Variants in TMEM132C observed in about 807,000 individuals in gnomAD.
TMEM132C encodes the protein protein phosphatase 1, regulatory subunit 152.
A neutral mutation model predicts 61.4 loss-of-function variants in TMEM132C; 29 were observed. The ratio of observed to expected loss-of-function variants is 0.47; its 90% CI spans 0.35 to 0.64. TMEM132C has a LOEUF of 0.64. Ranked by LOEUF, TMEM132C falls within the 30% of genes least tolerant of loss-of-function variation. The pLI is 0.00. For missense variants in TMEM132C, 1,408 were observed against 1,476.9 expected (o/e 0.95, Z 0.76); for synonymous variants, 656 against 633.1 (o/e 1.04, Z -0.54).
At chr12:128,704,509 C>T (rs1314174590) in intron 8 of TMEM132C, among the ~76,000 whole-genome samples, 1 of 152,170 alleles carries the variant, frequency 6.6e-6, no homozygotes, top group Non-Finnish European at 1.5e-5. Context: ...ACAGGGTCAA[C>T]CTTAAAGGGC....
intron 3 of TMEM132C, among the ~76,000 whole-genome samples, chr12:128,571,285 A>G (rs1415770418): frequency 6.6e-6 from 1 of 152,180 alleles, no homozygotes; most frequent in Non-Finnish European, 1.5e-5. Context: ...TCTCACTATC[A>G]TTTAATCCAG....
At chr12:128,298,247 G>A (rs1224993750) in intron 1 of TMEM132C, among the ~76,000 whole-genome samples, 1 of 152,104 alleles carries the variant, frequency 6.6e-6, no homozygotes, top group African/African-American at 2.4e-5. Context: ...CCTCTGTGGT[G>A]GAGCTCCCCA....
chr12:128,359,301 G>A (rs555187623), intron 1 of TMEM132C, among the ~76,000 whole-genome samples: 29 of 152,230 alleles, frequency 1.9e-4, no homozygotes, highest in East Asian at 3.9e-4. Flanking sequence ...AGCAAGGGAC[G>A]TCTTACATGG....
At chr12:128,508,084 C>T (rs377092909) in intron 2 of TMEM132C, among the ~76,000 whole-genome samples, 1 of 152,238 alleles carries the variant, frequency 6.6e-6, no homozygotes, top group East Asian at 1.9e-4. Context: ...TTTCATGCGG[C>T]TGATGAAGAC....
intron 1 of TMEM132C, among the ~76,000 whole-genome samples, chr12:128,329,672 G>A (rs369118789): frequency 1.3e-5 from 2 of 152,082 alleles, no homozygotes; most frequent in Non-Finnish European, 1.5e-5. Flanking sequence ...GCTGCACCTC[G>A]GAGACCCCCT....
chr12:128,675,108 G>C (rs1473152260), intron 5 of TMEM132C, among the ~76,000 whole-genome samples: 2 of 151,708 alleles, frequency 1.3e-5, no homozygotes, highest in Non-Finnish European at 2.9e-5. Context: ...TTCCTTCTTT[G>C]TTTTCTTTCT....
chr12:128,506,995 T>C (rs1172101806), intron 2 of TMEM132C, among the ~76,000 whole-genome samples: 1 of 152,088 alleles, frequency 6.6e-6, no homozygotes. Context: ...CAGGAGAGCA[T>C]ACCCTGAAAA....
chr12:128,644,502 A>C (rs1954181225), intron 4 of TMEM132C, among the ~76,000 whole-genome samples: 1 of 152,256 alleles, frequency 6.6e-6, no homozygotes, highest in African/African-American at 2.4e-5. Flanking sequence ...AGCGTTTAAA[A>C]ATTACATATT....
At chr12:128,670,296 G>A (rs1344556888) in intron 5 of TMEM132C, among the ~76,000 whole-genome samples, 4 of 152,136 alleles carry the variant, frequency 2.6e-5, no homozygotes, top group East Asian at 3.9e-4. Context: ...GTGGCAGAGC[G>A]AGACTCCATC....
chr12:128,350,948 G>A (rs1324516468), intron 1 of TMEM132C, among the ~76,000 whole-genome samples: 1 of 152,082 alleles, frequency 6.6e-6, no homozygotes, highest in African/African-American at 2.4e-5. Context: ...TATAATGGCA[G>A]GACCCCAGCA....
intron 2 of TMEM132C, among the ~76,000 whole-genome samples, chr12:128,513,306 C>T (rs1446027088): frequency 1.3e-5 from 2 of 152,164 alleles, no homozygotes; most frequent in African/African-American, 2.4e-5. Context: ...CCTCCCCCTC[C>T]TCCAGCCCCC....
At chr12:128,522,660 A>G (rs903752580) in intron 2 of TMEM132C, among the ~76,000 whole-genome samples, 1 of 152,190 alleles carries the variant, frequency 6.6e-6, no homozygotes, top group African/African-American at 2.4e-5. Context: ...GTGCCCCTCC[A>G]TTTAAGAAAT....
intron 3 of TMEM132C, among the ~76,000 whole-genome samples, chr12:128,592,201 C>G (rs1875777765): frequency 1.3e-5 from 2 of 152,234 alleles, no homozygotes; most frequent in African/African-American, 2.4e-5. Flanking sequence ...TCATCCTACC[C>G]TGACACGGAG....
chr12:128,437,083 G>T (rs1010508754), intron 2 of TMEM132C, among the ~76,000 whole-genome samples: 5 of 152,136 alleles, frequency 3.3e-5, no homozygotes, highest in Non-Finnish European at 7.3e-5. Context: ...AATCATAGGT[G>T]GGAATTGAAC....
chr12:128,544,154 G>A, intron 3 of TMEM132C, 51 bp downstream of exon 3: 1 of 1,456,818 alleles, frequency 6.9e-7, no homozygotes, highest in Non-Finnish European at 9.1e-7. Flanking sequence ...CCCGGGCCCA[G>A]GCCGGCTGGT....
At position 128,326,678 on chromosome 12, in the gene TMEM132C, G is replaced by T. The variant is rs12309183; in HGVS notation, c.85+59191G>T. On this transcript the variant is annotated intron_variant, in intron 1 of 8. Coordinates refer to ENST00000435159, the MANE Select transcript of TMEM132C (RefSeq NM_001136103.3). This position sits in a 1 kb window ranked among gnomAD's most constrained non-coding sequence, Gnocchi z 5.6. ...CTCGAGGAAGGGAACACTGAAGCAG[G>T]ATCTCTATTAGCCTTTGTGCCCCTA... is the stretch of plus-strand genomic sequence containing the variant. Among the ~76,000 whole-genome samples, 37 of 152,304 alleles carry T rather than the reference G, an allele frequency of 2.4e-4. No homozygotes were observed. The East Asian group carries it at 6.6e-3, about 27-fold the overall frequency.
intron 2 of TMEM132C, among the ~76,000 whole-genome samples, chr12:128,428,233 A>AT (rs1869261982): frequency 2.8e-5 from 2 of 71,268 alleles, no homozygotes; most frequent in Middle Eastern, 6.8e-3. Context: ...CTTAAAAAGG[A>AT]ATTTTTTTTC....
intron 4 of TMEM132C, among the ~76,000 whole-genome samples, chr12:128,664,118 G>A (rs534316596): frequency 2.0e-3 from 265 of 135,332 alleles, no homozygotes; most frequent in African/African-American, 6.9e-3. Context: ...ACACGCACCC[G>A]CACGCACGCG....
intron 5 of TMEM132C, among the ~76,000 whole-genome samples, chr12:128,678,535 G>A (rs1593145538): frequency 6.6e-6 from 1 of 152,198 alleles, no homozygotes; most frequent in Admixed American, 6.5e-5. Flanking sequence ...CCAGAAGATT[G>A]TTTTGAGTTT....
Sources: allele counts gnomAD v4.1 joint callset (sites outside exome capture counted in the v4.1 genomes callset), GRCh38; gene constraint gnomAD v4.1.1; non-coding constraint Gnocchi (gnomAD v3.1); transcripts MANE v1.5; gene names NCBI Gene and HGNC (gene_info 2026-07-23, HGNC 2026-07-21).